Variants in KIF5B observed in about 807,000 individuals in gnomAD.
KIF5B encodes the protein kinesin family member 5B.
In KIF5B, 49 loss-of-function variants were observed where a neutral mutation model predicts 132.8. That is an observed-to-expected ratio of 0.37 (90% CI 0.29 to 0.47). The LOEUF (loss-of-function observed/expected upper bound fraction) is 0.47, where lower values mean the gene tolerates loss of function less well. Ranked by LOEUF, KIF5B falls within the 20% of genes least tolerant of loss-of-function variation. The probability of loss-of-function intolerance (pLI) is 1.00; values close to 1 mark genes in which losing one functional copy is unlikely to be tolerated. For synonymous variants in KIF5B, 355 were observed against 369.4 expected (o/e 0.96, Z 0.45); for missense variants, 780 against 1,144.0 (o/e 0.68, Z 4.59).
chr10:32,019,951 T>C lies in KIF5B; in HGVS notation c.2213A>G (p.Gln738Arg), dbSNP rs770977832. The C allele has an allele frequency of 6.2e-7, 1 of 1,603,084 alleles. No individual in the cohort carries two copies. The highest frequency in any genetic ancestry group is 1.1e-5 in the South Asian group (1 of 88,484). The change falls in exon 20 of 26, where the codon CAG becomes CGG. Residue 738 changes from glutamine to arginine, a missense_variant. Coordinates refer to ENST00000302418, the MANE Select transcript of KIF5B (RefSeq NM_004521.3). ...ACGTTCCTGCTCTAACATCATTTTC[T>C]GGTTTTGGCTGACGAAAGAAAAAAA... ...KLITDLQDQN[Q>R]KMMLEQERLR...
intron 16 of KIF5B, 58 bp from the exon 17 acceptor site, chr10:32,022,315 A>T: frequency 1.2e-6 from 1 of 804,004 alleles, no homozygotes; most frequent in Non-Finnish European, 2.1e-6. Flanking sequence ...CTTTAAGAAT[A>T]TTTGACAGTA....
chr10:32,041,724 T>TA (rs976757239), intron 2 of KIF5B, among the ~76,000 whole-genome samples: 1 of 152,190 alleles, frequency 6.6e-6, no homozygotes, highest in African/African-American at 2.4e-5. Context: ...CTCTTGGGTG[T>TA]AGTAAGCTGC....
intron 2 of KIF5B, among the ~76,000 whole-genome samples, chr10:32,045,933 G>A (rs1444160754): frequency 1.3e-5 from 2 of 152,130 alleles, no homozygotes; most frequent in Admixed American, 1.3e-4. Flanking sequence ...CATTTTAGAA[G>A]ATTAACCTAG....
intron 13 of KIF5B, 141 bp downstream of exon 13, chr10:32,032,565 C>A (rs1411607254): frequency 3.0e-6 from 2 of 667,792 alleles, no homozygotes; most frequent in Admixed American, 2.5e-5. Context: ...AGTAAAAATT[C>A]ACTTTATCCA....
At chr10:32,025,567 G>A (rs1841324103) in intron 15 of KIF5B, among the ~76,000 whole-genome samples, 1 of 152,100 alleles carries the variant, frequency 6.6e-6, no homozygotes, top group African/African-American at 2.4e-5. Flanking sequence ...GTAGAGATGG[G>A]ACTTCACCAC....
At chr10:32,048,347 T>A in intron 2 of KIF5B, 117 bp downstream of exon 2, 1 of 642,482 alleles carries the variant, frequency 1.6e-6, no homozygotes, top group Non-Finnish European at 2.7e-6. Context: ...AACTTTCTTC[T>A]GCAATTAACT....
At chr10:32,018,459 AC>A in intron 21 of KIF5B, 42 bp downstream of exon 21, 1 of 1,592,476 alleles carries the variant, frequency 6.3e-7, no homozygotes, top group Non-Finnish European at 8.5e-7. Context: ...GAAAAAACCC[AC>A]AAAATATTTC....
At chr10:32,043,449 C>G (rs1292480463) in intron 2 of KIF5B, among the ~76,000 whole-genome samples, 3 of 152,158 alleles carry the variant, frequency 2.0e-5, no homozygotes, top group Admixed American at 2.0e-4. Flanking sequence ...TGCTCTTAAC[C>G]ACTGTACTAT....
intron 25 of KIF5B, among the ~76,000 whole-genome samples, chr10:32,014,844 C>T (rs376882698): frequency 4.6e-5 from 7 of 152,198 alleles, no homozygotes; most frequent in African/African-American, 7.2e-5. Context: ...TGTTTCAGGT[C>T]GGGCGCGGTG....
chr10:32,014,624 C>T (rs1174385963), intron 25 of KIF5B, among the ~76,000 whole-genome samples: 2 of 151,392 alleles, frequency 1.3e-5, no homozygotes, highest in Non-Finnish European at 2.9e-5. Flanking sequence ...TGTTTTATGC[C>T]CTACAAAGAA....
At position 32,040,764 on chromosome 10, in the gene KIF5B, C is replaced by T. The variant is rs191728218; in HGVS notation, c.215-307G>A. ...ATCACAGCACTTTGGGAGGCCAAGGCAGGCGGATCACAAGGTCAGGAGTTC... is the reference window on the plus strand; with the variant it reads ...ATCACAGCACTTTGGGAGGCCAAGGTAGGCGGATCACAAGGTCAGGAGTTC... On this transcript the variant is annotated intron_variant, in intron 2 of 25. Coordinates refer to ENST00000302418, the MANE Select transcript of KIF5B (RefSeq NM_004521.3). 2.0e-5 allele frequency among the ~76,000 whole-genome samples: 3 copies of T among 151,850 alleles called. No individual in the cohort carries two copies. The South Asian group carries it at 6.2e-4, about 32-fold the overall frequency.
At position 32,011,000 on chromosome 10, in the gene KIF5B, C is replaced by T. The variant is rs1351273644; in HGVS notation, c.*537G>A. 3 of 151,592 alleles carry T rather than the reference C, an allele frequency of 2.0e-5. No homozygotes were observed. The highest frequency in any genetic ancestry group is 4.4e-5 in the Non-Finnish European group (3 of 67,926). 9.4% of individuals were successfully genotyped at this position (151,592 alleles called of 1,614,324 possible). A position where few individuals can be genotyped will look rare whatever the true frequency, so the allele number is the denominator to read the frequency against. On this transcript the variant is annotated 3_prime_UTR_variant, in exon 26 of 26. Coordinates refer to ENST00000302418, the MANE Select transcript of KIF5B (RefSeq NM_004521.3). ...CATCATTTCAAGGGATTTTAAAATA[C>T]AGTACTGACTGGATATATTTTATGG...
chr10:32,052,601 G>A (rs1277715097), intron 1 of KIF5B, among the ~76,000 whole-genome samples: 1 of 152,108 alleles, frequency 6.6e-6, no homozygotes, highest in Non-Finnish European at 1.5e-5. Context: ...TCTTCCTGGT[G>A]TTTTTAGCAA....
Position 32,021,143 on chromosome 10 carries a change from G to T in KIF5B, c.2095-12C>A, listed in dbSNP as rs1424900553. 1 of 1,609,622 alleles carries T rather than the reference G, an allele frequency of 6.2e-7. No homozygotes were observed. Among genetic ancestry groups the T allele is most frequent in the Non-Finnish European group, 8.5e-7 (1 of 1,176,286 alleles). On this transcript the variant is annotated splice_polypyrimidine_tract_variant and intron_variant, in intron 18 of 25. Coordinates refer to ENST00000302418, the MANE Select transcript of KIF5B (RefSeq NM_004521.3). ...TGTTCAACAGCTTGCTAAAATTTTG[G>T]GGGGGAAAAGGATGTTAAAGTCAGA...
At chr10:32,043,507 CT>C (rs1841570545) in intron 2 of KIF5B, among the ~76,000 whole-genome samples, 2 of 152,146 alleles carry the variant, frequency 1.3e-5, no homozygotes, top group Non-Finnish European at 2.9e-5. Flanking sequence ...TAGGCTACAT[CT>C]GGAAAAACCA....
chr10:32,048,449 G>A lies in KIF5B; in HGVS notation c.214+15C>T. 6.4e-7 allele frequency: 1 copy of A among 1,554,588 alleles called. No individual in the cohort carries two copies. The highest frequency in any genetic ancestry group is 1.2e-5 in the South Asian group (1 of 86,886). ...ACTTATTGCTGAGACAACTCAGCAG[G>A]TTGAATATATTTACCTTTAACAATC... is the stretch of plus-strand genomic sequence containing the variant. On this transcript the variant is annotated intron_variant, in intron 2 of 25. Transcript: ENST00000302418.
In KIF5B at chr10:32,019,979, A is replaced by G; in HGVS notation, c.2205-20T>C. Reference sequence around the variant, plus strand: ...TTTTGGCTGACGAAAGAAAAAAATAATTAACACAGTATCAATATCACAGTT... The same window carrying G: ...TTTTGGCTGACGAAAGAAAAAAATAGTTAACACAGTATCAATATCACAGTT... On this transcript the variant is annotated intron_variant, in intron 19 of 25. Transcript: ENST00000302418. 6.8e-7 allele frequency: 1 copy of G among 1,468,348 alleles called. No homozygotes were observed. Among genetic ancestry groups the G allele is most frequent in the South Asian group, 1.2e-5 (1 of 84,070 alleles). 91.0% of individuals were successfully genotyped at this position (1,468,348 alleles called of 1,614,324 possible).
intron 9 of KIF5B, 92 bp from the exon 10 acceptor site, chr10:32,035,759 T>A: frequency 7.4e-7 from 1 of 1,360,230 alleles, no homozygotes. Context: ...TTACACATAC[T>A]GATTCAAACA....
At chr10:32,024,156 T>C (rs1407842174) in intron 15 of KIF5B, among the ~76,000 whole-genome samples, 4 of 122,762 alleles carry the variant, frequency 3.3e-5, no homozygotes, top group Admixed American at 7.9e-5. Flanking sequence ...CTTTTTTTTT[T>C]TTTTTTTTTT....
Sources: allele counts gnomAD v4.1 joint callset (sites outside exome capture counted in the v4.1 genomes callset), GRCh38; gene constraint gnomAD v4.1.1; transcripts MANE v1.5; gene names NCBI Gene and HGNC (gene_info 2026-07-23, HGNC 2026-07-21).